GABRA2: variants seen among roughly 807,000 people sequenced by gnomAD.
GABRA2 encodes gamma-aminobutyric acid type A receptor subunit alpha2, also known as gamma-aminobutyric acid receptor subunit alpha-2.
Under a neutral mutation model 48.7 loss-of-function variants are expected in GABRA2, and 16 were observed. The ratio of observed to expected loss-of-function variants is 0.33; its 90% CI spans 0.22 to 0.50. The LOEUF (loss-of-function observed/expected upper bound fraction) is 0.50, where lower values mean the gene tolerates loss of function less well. GABRA2 is among the 20% of genes least tolerant of loss of function. The pLI, the probability that GABRA2 is intolerant of heterozygous loss-of-function variation, is 0.98. For missense variants in GABRA2, 275 were observed against 535.6 expected (o/e 0.51, Z 4.80); for synonymous variants, 185 against 184.5 (o/e 1.00, Z -0.02).
At chr4:46,377,068 G>A (rs1474943864) in intron 3 of GABRA2, among the ~76,000 whole-genome samples, 1 of 152,054 alleles carries the variant, frequency 6.6e-6, no homozygotes, top group Non-Finnish European at 1.5e-5. Flanking sequence ...GTGCAGTGGC[G>A]TGATCTCGGC....
chr4:46,303,969 C>T (rs1427179144), intron 7 of GABRA2, among the ~76,000 whole-genome samples: 1 of 151,910 alleles, frequency 6.6e-6, no homozygotes, highest in Non-Finnish European at 1.5e-5. Context: ...ATCTAACATG[C>T]TCTAATGAGC....
At position 46,338,204 on chromosome 4, in the gene GABRA2, AAAG is replaced by A. The variant is rs143202430; in HGVS notation, c.188-5525_188-5523del. Among the ~76,000 whole-genome samples, 783 of 152,152 alleles carry A rather than the reference AAAG, an allele frequency of 5.1e-3. 7 individuals are homozygous for A. Among genetic ancestry groups the A allele is most frequent in the Middle Eastern group, 0.037 (11 of 294 alleles). On this transcript the variant is annotated intron_variant, in intron 3 of 9. Transcript: ENST00000381620. ...TGAAAGTTTTTGTGTGCATCATATGAAAGAAGAAGTGAATTCATATTGACCATT... is the reference window on the plus strand; with the variant it reads ...TGAAAGTTTTTGTGTGCATCATATGAAAGAAGTGAATTCATATTGACCATT...
At chr4:46,254,276 T>C (rs1367169166) in intron 9 of GABRA2, among the ~76,000 whole-genome samples, 1 of 151,644 alleles carries the variant, frequency 6.6e-6, no homozygotes, top group South Asian at 2.1e-4. Context: ...TTGGGCCACA[T>C]GACTGATTTT....
intron 9 of GABRA2, among the ~76,000 whole-genome samples, chr4:46,251,524 A>G (rs985945433): frequency 6.6e-6 from 1 of 151,284 alleles, no homozygotes; most frequent in Non-Finnish European, 1.5e-5. Flanking sequence ...AGCCCAGAAC[A>G]CCTCAGTTTT....
intron 6 of GABRA2, 118 bp from the exon 7 acceptor site, chr4:46,305,829 C>T: frequency 1.4e-6 from 1 of 711,756 alleles, no homozygotes; most frequent in South Asian, 2.2e-5. Flanking sequence ...AATAGTTAAA[C>T]ATCACATTTA....
chr4:46,362,095 G>C (rs1713295647), intron 3 of GABRA2, among the ~76,000 whole-genome samples: 1 of 152,124 alleles, frequency 6.6e-6, no homozygotes, highest in Non-Finnish European at 1.5e-5. Context: ...TTAAGACTTT[G>C]GGGGACTGTT....
intron 1 of GABRA2, chr4:46,389,222 C>T (rs1255734999): frequency 2.0e-6 from 2 of 987,510 alleles, no homozygotes; most frequent in Non-Finnish European, 2.4e-6. Flanking sequence ...TTTGCAATTA[C>T]TCTACATTAC....
At chr4:46,291,477 T>G (rs1054980516) in intron 8 of GABRA2, among the ~76,000 whole-genome samples, 1 of 152,090 alleles carries the variant, frequency 6.6e-6, no homozygotes, top group African/African-American at 2.4e-5. Context: ...GAGATTAACA[T>G]TTGAGTCAGT....
At chr4:46,363,973 A>G (rs1037091357) in intron 3 of GABRA2, 1 of 152,214 alleles carries the variant, frequency 6.6e-6, no homozygotes, top group African/African-American at 2.4e-5. Flanking sequence ...TCCCATAAAA[A>G]TAAAATTGCT....
At chr4:46,369,001 T>G (rs1464866059) in intron 3 of GABRA2, 1 of 701,020 alleles carries the variant, frequency 1.4e-6, no homozygotes, top group Admixed American at 2.0e-5. Flanking sequence ...GATTCCACTC[T>G]GGAAACTGGG....
At chr4:46,283,279 C>T (rs1292491252) in intron 8 of GABRA2, among the ~76,000 whole-genome samples, 1 of 152,128 alleles carries the variant, frequency 6.6e-6, no homozygotes, top group Non-Finnish European at 1.5e-5. Context: ...GTCTTTTACC[C>T]TTCCTCATTT....
chr4:46,378,055 C>T (rs1201022678), intron 3 of GABRA2, among the ~76,000 whole-genome samples: 3 of 151,500 alleles, frequency 2.0e-5, no homozygotes, highest in Admixed American at 6.6e-5. Flanking sequence ...CCCCCCCACC[C>T]GGCCAGCCGC....
At chr4:46,387,858 C>T (rs1386036591) in intron 2 of GABRA2, among the ~76,000 whole-genome samples, 1 of 151,950 alleles carries the variant, frequency 6.6e-6, no homozygotes, top group Non-Finnish European at 1.5e-5. Flanking sequence ...TCTTATAAAA[C>T]TTGTATCTTA....
At chr4:46,376,073 C>A (rs1715654772) in intron 3 of GABRA2, among the ~76,000 whole-genome samples, 1 of 152,236 alleles carries the variant, frequency 6.6e-6, no homozygotes. Context: ...GGGACCTCAT[C>A]TCCAGGAAGA....
At chr4:46,289,918 T>A (rs921672083) in intron 8 of GABRA2, among the ~76,000 whole-genome samples, 34 of 146,538 alleles carry the variant, frequency 2.3e-4, no homozygotes, top group East Asian at 7.8e-4. Context: ...TTTTTATTTT[T>A]TTTTTTTTTT....
chr4:46,372,701 C>T (rs1560595651), intron 3 of GABRA2, among the ~76,000 whole-genome samples: 1 of 152,120 alleles, frequency 6.6e-6, no homozygotes, highest in Non-Finnish European at 1.5e-5. Flanking sequence ...TAATTTTATT[C>T]CAATGCTAAA....
intron 8 of GABRA2, among the ~76,000 whole-genome samples, chr4:46,281,838 T>C (rs1721595869): frequency 6.6e-6 from 1 of 152,106 alleles, no homozygotes; most frequent in Non-Finnish European, 1.5e-5. Flanking sequence ...GACTGGTTAA[T>C]TAATGCCATA....
At chr4:46,281,798 A>C (rs1483654737) in intron 8 of GABRA2, among the ~76,000 whole-genome samples, 1 of 152,218 alleles carries the variant, frequency 6.6e-6, no homozygotes, top group Non-Finnish European at 1.5e-5. Flanking sequence ...TAGCCAGGGC[A>C]TTAGAAGAGT....
intron 3 of GABRA2, chr4:46,368,215 G>A (rs1714347585): frequency 1.3e-5 from 2 of 152,088 alleles, no homozygotes; most frequent in African/African-American, 4.8e-5. Flanking sequence ...ACATAAGCCA[G>A]TTAATTCTGA....
Sources: gnomAD v4.1 joint callset for allele counts (sites outside exome capture counted in the v4.1 genomes callset) on GRCh38, gnomAD v4.1.1 for gene constraint, MANE v1.5 for transcripts, NCBI Gene and HGNC (gene_info 2026-07-23, HGNC 2026-07-21) for gene names.